The following GATAD2B variants were observed in gnomAD, a reference collection of about 807,000 sequenced individuals.
GATAD2B encodes the protein transcriptional repressor p66-beta.
Under a neutral mutation model 64.3 loss-of-function variants are expected in GATAD2B, and 8 were observed. That is an observed-to-expected ratio of 0.12 (90% CI 0.07 to 0.22). The LOEUF is 0.22. Among genes scored for constraint, GATAD2B ranks in the 10% least tolerant of loss-of-function variants. The probability of loss-of-function intolerance (pLI) is 1.00; values close to 1 mark genes in which losing one functional copy is unlikely to be tolerated. For synonymous variants in GATAD2B, 281 were observed against 271.3 expected (o/e 1.04, Z -0.35); for missense variants, 453 against 752.0 (o/e 0.60, Z 4.65).
At chr1:153,901,821 C>T (rs748150524) in intron 1 of GATAD2B, among the ~76,000 whole-genome samples, 20 of 122,708 alleles carry the variant, frequency 1.6e-4, no homozygotes, top group Non-Finnish European at 2.8e-4. Flanking sequence ...AAAACTCTTG[C>T]TAAAAATAAA....
At chr1:153,899,034 A>C (rs1677687828) in intron 1 of GATAD2B, 1 of 151,562 alleles carries the variant, frequency 6.6e-6, no homozygotes, top group African/African-American at 2.4e-5. Flanking sequence ...AAACTTTTAC[A>C]CTTAGACTAA....
intron 1 of GATAD2B, among the ~76,000 whole-genome samples, chr1:153,830,616 C>A (rs1189539724): frequency 1.3e-5 from 2 of 148,842 alleles, no homozygotes; most frequent in African/African-American, 4.9e-5. Context: ...GCTGGGACTA[C>A]AGGCGCCCGC....
chr1:153,851,550 T>G (rs1675897478), intron 1 of GATAD2B, among the ~76,000 whole-genome samples: 1 of 152,234 alleles, frequency 6.6e-6, no homozygotes, highest in South Asian at 2.1e-4. Flanking sequence ...TGAGCAATTT[T>G]TCATATACTT....
intron 1 of GATAD2B, among the ~76,000 whole-genome samples, chr1:153,862,610 T>C (rs2101922093): frequency 6.6e-6 from 1 of 152,284 alleles, no homozygotes; most frequent in Non-Finnish European, 1.5e-5. Context: ...TTACTCAAAG[T>C]GTGGGCCACT....
At chr1:153,814,584 C>A (rs1208953740) in intron 7 of GATAD2B, among the ~76,000 whole-genome samples, 1 of 152,052 alleles carries the variant, frequency 6.6e-6, no homozygotes, top group Non-Finnish European at 1.5e-5. Flanking sequence ...ACCAGCCTGG[C>A]CCACATAGCA....
intron 1 of GATAD2B, among the ~76,000 whole-genome samples, chr1:153,896,900 T>C (rs1052224206): frequency 1.3e-5 from 2 of 152,212 alleles, no homozygotes; most frequent in Non-Finnish European, 2.9e-5. Flanking sequence ...TTGCTTTTTA[T>C]ATCCAAGGCA....
intron 1 of GATAD2B, among the ~76,000 whole-genome samples, chr1:153,921,029 C>T (rs1428677262): frequency 6.6e-6 from 1 of 152,174 alleles, no homozygotes; most frequent in Non-Finnish European, 1.5e-5. Flanking sequence ...ATATACTGAA[C>T]TCCTCCATAG....
chr1:153,848,201 TCTA>T (rs1675756065), intron 1 of GATAD2B, among the ~76,000 whole-genome samples: 1 of 152,196 alleles, frequency 6.6e-6, no homozygotes, highest in African/African-American at 2.4e-5. Flanking sequence ...CCTGAACCCT[TCTA>T]CAGCAAAATT....
intron 1 of GATAD2B, among the ~76,000 whole-genome samples, chr1:153,921,570 T>TC (rs1014219769): frequency 6.6e-6 from 1 of 151,302 alleles, no homozygotes; most frequent in African/African-American, 2.4e-5. Flanking sequence ...GTATTAAGTA[T>TC]CCCCCCATCT....
chr1:153,856,409 A>G (rs768186398), intron 1 of GATAD2B, among the ~76,000 whole-genome samples: 3 of 152,206 alleles, frequency 2.0e-5, no homozygotes, highest in African/African-American at 4.8e-5. Flanking sequence ...TTTATGCTAT[A>G]TATCAACAGC....
intron 1 of GATAD2B, among the ~76,000 whole-genome samples, chr1:153,875,738 A>C (rs1033267352): frequency 9.2e-5 from 14 of 151,940 alleles, no homozygotes; most frequent in Admixed American, 2.0e-4. Context: ...TAAACTAGTA[A>C]GAACAATGAA....
At chr1:153,834,730 TA>T (rs1675211691) in intron 1 of GATAD2B, among the ~76,000 whole-genome samples, 1 of 152,196 alleles carries the variant, frequency 6.6e-6, no homozygotes, top group Non-Finnish European at 1.5e-5. Flanking sequence ...AGAAGTTGAT[TA>T]TAACTTTCAT....
chr1:153,844,893 C>T (rs1675627702), intron 1 of GATAD2B, among the ~76,000 whole-genome samples: 1 of 150,578 alleles, frequency 6.6e-6, no homozygotes, highest in Non-Finnish European at 1.5e-5. Flanking sequence ...GCACATGTAC[C>T]CTAAAACTTA....
intron 2 of GATAD2B, among the ~76,000 whole-genome samples, chr1:153,822,221 T>G (rs4596938): frequency 6.6e-6 from 1 of 151,772 alleles, no homozygotes; most frequent in African/African-American, 2.4e-5. Context: ...CACCGGTAAT[T>G]TTGGAATCTG....
chr1:153,833,851 T>C (rs775763842), intron 1 of GATAD2B, among the ~76,000 whole-genome samples: 66 of 149,200 alleles, frequency 4.4e-4, no homozygotes, highest in Non-Finnish European at 8.3e-4. Context: ...AATATTAATA[T>C]ATTTCAGGCC....
chr1:153,815,942 A>G (rs1325737196), intron 7 of GATAD2B, among the ~76,000 whole-genome samples: 3 of 152,176 alleles, frequency 2.0e-5, no homozygotes, highest in East Asian at 3.8e-4. Context: ...AGTCCCAGCT[A>G]CGTGGGAGGC....
intron 1 of GATAD2B, among the ~76,000 whole-genome samples, chr1:153,873,510 T>C (rs1406096603): frequency 6.6e-6 from 1 of 152,218 alleles, no homozygotes; most frequent in Admixed American, 6.5e-5. Flanking sequence ...AAAGCCAATG[T>C]GGCTGTCTCT....
At chr1:153,900,384 C>T (rs566040322) in intron 1 of GATAD2B, among the ~76,000 whole-genome samples, 16 of 152,114 alleles carry the variant, frequency 1.1e-4, no homozygotes, top group Admixed American at 2.6e-4. Flanking sequence ...CATGCCATTG[C>T]ACTCCAGCCT....
At chr1:153,866,897 C>A (rs1676497395) in intron 1 of GATAD2B, among the ~76,000 whole-genome samples, 1 of 152,172 alleles carries the variant, frequency 6.6e-6, no homozygotes, top group African/African-American at 2.4e-5. Flanking sequence ...TCTCCTGCCT[C>A]AGCCTCCTAA....
Sources: gnomAD v4.1 joint callset for allele counts (sites outside exome capture counted in the v4.1 genomes callset) on GRCh38, gnomAD v4.1.1 for gene constraint, MANE v1.5 for transcripts, NCBI Gene and HGNC (gene_info 2026-07-23, HGNC 2026-07-21) for gene names.